CPE: variants seen among roughly 807,000 people sequenced by gnomAD.
CPE encodes the protein carboxypeptidase E, also known as carbocypeptidase E.
CPE carries 17 observed loss-of-function variants against 53.5 expected under a neutral mutation model. The observed-to-expected ratio is 0.32, with a 90% CI of 0.22 to 0.48. The LOEUF (loss-of-function observed/expected upper bound fraction) is 0.48. CPE is among the 20% of genes least tolerant of loss of function. The pLI, the probability that CPE is intolerant of heterozygous loss-of-function variation, is 0.99. For synonymous variants in CPE, 226 were observed against 228.8 expected (o/e 0.99, Z 0.11); for missense variants, 524 against 614.7 (o/e 0.85, Z 1.56).
At chr4:165,425,045 T>G (rs1731295429) in intron 1 of CPE, among the ~76,000 whole-genome samples, 1 of 151,730 alleles carries the variant, frequency 6.6e-6, no homozygotes, top group Non-Finnish European at 1.5e-5. Flanking sequence ...GCCCAGCTAA[T>G]TTTTGTATTT....
intron 8 of CPE, among the ~76,000 whole-genome samples, 171 bp from the exon 9 acceptor site, chr4:165,497,340 AT>A (rs1435182845): frequency 1.3e-5 from 2 of 152,190 alleles, no homozygotes; most frequent in East Asian, 1.9e-4. Context: ...TTGCTTTTGA[AT>A]TTTTTCCCCC....
chr4:165,409,485 G>A (rs1197054922), intron 1 of CPE, among the ~76,000 whole-genome samples: 1 of 152,176 alleles, frequency 6.6e-6, no homozygotes, highest in Admixed American at 6.5e-5. Context: ...ATTATAGGCT[G>A]AGCCGCTGCA....
intron 7 of CPE, 152 bp downstream of exon 7, chr4:165,493,422 T>G: frequency 1.7e-6 from 1 of 586,428 alleles, no homozygotes; most frequent in South Asian, 2.7e-5. Context: ...GTTTCCTTTG[T>G]GGGCTCAGGT....
chr4:165,428,745 A>C (rs899576822), intron 1 of CPE, among the ~76,000 whole-genome samples: 14 of 152,128 alleles, frequency 9.2e-5, no homozygotes. Flanking sequence ...TTGTGGCTAC[A>C]TCACTCCAAT....
At chr4:165,427,826 C>A (rs1047640801) in intron 1 of CPE, among the ~76,000 whole-genome samples, 1 of 152,016 alleles carries the variant, frequency 6.6e-6, no homozygotes, top group Non-Finnish European at 1.5e-5. Flanking sequence ...AGGCTGTAGT[C>A]CAAAGCACCC....
intron 5 of CPE, 88 bp downstream of exon 5, chr4:165,484,692 A>C (rs1227415015): frequency 8.2e-7 from 1 of 1,226,508 alleles, no homozygotes; most frequent in South Asian, 1.7e-5. Context: ...GATTTAGAGA[A>C]TCTTCAATCG....
chr4:165,393,716 C>T (rs1203660655), intron 1 of CPE, among the ~76,000 whole-genome samples: 1 of 152,138 alleles, frequency 6.6e-6, no homozygotes, highest in Non-Finnish European at 1.5e-5. Context: ...GAACTGAAGT[C>T]TGTGAGGGCA....
chr4:165,394,900 A>G (rs1730739580), intron 1 of CPE, among the ~76,000 whole-genome samples: 1 of 152,210 alleles, frequency 6.6e-6, no homozygotes, highest in Non-Finnish European at 1.5e-5. Context: ...TGTTTAATGA[A>G]CAGCCTTTAT....
At chr4:165,464,204 G>C (rs1178106862) in intron 1 of CPE, among the ~76,000 whole-genome samples, 186 bp from the exon 2 acceptor site, 1 of 152,122 alleles carries the variant, frequency 6.6e-6, no homozygotes, top group African/African-American at 2.4e-5. Context: ...ATAACAGGTG[G>C]GTAGCTGGGA....
intron 1 of CPE, among the ~76,000 whole-genome samples, chr4:165,456,562 C>G (rs1451285786): frequency 6.6e-6 from 1 of 151,788 alleles, no homozygotes. Flanking sequence ...CTCTTTCTCT[C>G]TCTCTCTCTC....
At chr4:165,435,610 T>C (rs903817126) in intron 1 of CPE, among the ~76,000 whole-genome samples, 9 of 152,222 alleles carry the variant, frequency 5.9e-5, no homozygotes, top group Admixed American at 5.2e-4. Flanking sequence ...TGTGCTTTTG[T>C]AGTTCTGTGA....
intron 1 of CPE, among the ~76,000 whole-genome samples, chr4:165,403,295 A>T (rs1403483372): frequency 6.6e-6 from 1 of 152,220 alleles, no homozygotes; most frequent in African/African-American, 2.4e-5. Flanking sequence ...ATGTCAACTA[A>T]ATGTGAAAAG....
intron 7 of CPE, 74 bp from the exon 8 acceptor site, chr4:165,495,485 G>C (rs1732690864): frequency 1.0e-6 from 1 of 965,278 alleles, no homozygotes; most frequent in African/African-American, 1.6e-5. Context: ...GTATTCCTTA[G>C]ATGGCATAAT....
intron 1 of CPE, among the ~76,000 whole-genome samples, chr4:165,448,944 G>A (rs1015187714): frequency 1.3e-5 from 2 of 152,148 alleles, no homozygotes; most frequent in Admixed American, 1.3e-4. Flanking sequence ...TGTGGTATAG[G>A]GGAAGATATT....
chr4:165,457,391 A>G lies in CPE; in HGVS notation c.308-6999A>G, dbSNP rs186482430. 2.4e-3 allele frequency among the ~76,000 whole-genome samples: 359 copies of G among 152,346 alleles called. 1 individual carries two copies. The highest frequency in any genetic ancestry group is 4.5e-3 in the Non-Finnish European group (309 of 68,034). The stretch of plus-strand genomic sequence containing the variant: ...AAAAGTTTGTAGCTTTCTTTTGTGA[A>G]GGCATCAAATACTTTCATTTCAGAA... On this transcript the variant is annotated intron_variant, in intron 1 of 8. Transcript: ENST00000402744.
chr4:165,386,963 T>G (rs1415098420), intron 1 of CPE, among the ~76,000 whole-genome samples: 1 of 152,238 alleles, frequency 6.6e-6, no homozygotes, highest in African/African-American at 2.4e-5. Context: ...AGCTACGTGA[T>G]GGGTCAAATG....
chr4:165,489,252 T>C (rs1732559341), intron 6 of CPE, among the ~76,000 whole-genome samples: 1 of 152,190 alleles, frequency 6.6e-6, no homozygotes, highest in Admixed American at 6.5e-5. Flanking sequence ...TCAAATACAG[T>C]GCTTTTTATT....
rs149539110 is a variant in CPE, at chr4:165,487,453, A to G, written c.989A>G (p.Asn330Ser). ...YSVPGGMQDF[N>S]YLSSNCFEIT... is the part of the protein sequence containing the mutation. Reference sequence around the variant, plus strand: ...GTTTTGGCAGGGATGCAAGACTTCAATTACCTTAGCAGCAACTGTTTTGAG... The same window carrying G: ...GTTTTGGCAGGGATGCAAGACTTCAGTTACCTTAGCAGCAACTGTTTTGAG... Residue 330 changes from asparagine (N) to serine (S), a missense_variant, in exon 6 of 9, where the codon AAT becomes AGT. Asn to Ser is a conservative substitution (Grantham distance 46, BLOSUM62 1). Transcript: ENST00000402744. 2.5e-6 allele frequency: 4 copies of G among 1,614,002 alleles called. No homozygotes were observed. The highest frequency in any genetic ancestry group is 2.5e-6 in the Non-Finnish European group (3 of 1,179,984).
At chr4:165,471,846 C>T (rs1732212843) in intron 3 of CPE, among the ~76,000 whole-genome samples, 1 of 152,170 alleles carries the variant, frequency 6.6e-6, no homozygotes, top group South Asian at 2.1e-4. Context: ...AATTTGATTC[C>T]TTAAAGGAGA....
Sources: gnomAD v4.1 joint callset for allele counts (sites outside exome capture counted in the v4.1 genomes callset) on GRCh38, gnomAD v4.1.1 for gene constraint, MANE v1.5 for transcripts, NCBI Gene and HGNC (gene_info 2026-07-23, HGNC 2026-07-21) for gene names.